The following FSAF1 variants were observed in gnomAD, a reference collection of about 807,000 sequenced individuals.
The protein encoded by FSAF1 is 40S small subunit processome assembly factor 1.
At chr1:231,231,917 G>A in the FSAF1 span, among the ~76,000 whole-genome samples, 1 of 152,268 alleles carries the variant, frequency 6.6e-6, no homozygotes, top group Non-Finnish European at 1.5e-5. Context: ...CACAGACACA[G>A]ATACCTCGGT....
chr1:231,228,245 G>T, the FSAF1 span, among the ~76,000 whole-genome samples: 5 of 152,028 alleles, frequency 3.3e-5, no homozygotes, highest in Middle Eastern at 3.2e-3. Flanking sequence ...ACTTACCATC[G>T]TATCAGTGGC....
chr1:231,239,900 C>G, the FSAF1 span, among the ~76,000 whole-genome samples: 3 of 152,330 alleles, frequency 2.0e-5, no homozygotes, highest in Admixed American at 2.0e-4. Context: ...GAGCTCCTAC[C>G]ATGATTTCCA....
the FSAF1 span, chr1:231,227,082 G>C: frequency 2.5e-6 from 4 of 1,613,516 alleles, no homozygotes; most frequent in Non-Finnish European, 3.4e-6. Context: ...CGGACACAAA[G>C]CATAATCAGA....
chr1:231,231,995 G>A, the FSAF1 span, among the ~76,000 whole-genome samples: 8 of 152,132 alleles, frequency 5.3e-5, no homozygotes, highest in African/African-American at 9.7e-5. Context: ...GGCTTTTTGA[G>A]AAAGGGTCTG....
chr1:231,225,511 C>A, the FSAF1 span: 2 of 1,613,412 alleles, frequency 1.2e-6, no homozygotes, highest in Admixed American at 1.7e-5. Context: ...TTGAAAATAT[C>A]TGTTTCTTGG....
At chr1:231,224,815 G>A in the FSAF1 span, 1 of 181,092 alleles carries the variant, frequency 5.5e-6, no homozygotes, top group Non-Finnish European at 1.2e-5. Flanking sequence ...ATGTTTTGGG[G>A]TGTTTCTCTC....
chr1:231,230,035 G>GA, the FSAF1 span, among the ~76,000 whole-genome samples: 1 of 152,098 alleles, frequency 6.6e-6, no homozygotes, highest in Non-Finnish European at 1.5e-5. Context: ...TAAAAAAATG[G>GA]AAAACAGAAA....
the FSAF1 span, among the ~76,000 whole-genome samples, chr1:231,234,491 T>A: frequency 2.1e-4 from 32 of 152,306 alleles, no homozygotes; most frequent in African/African-American, 4.1e-4. This position sits in a 1 kb window ranked among gnomAD's most constrained non-coding sequence, Gnocchi z 4.0. Context: ...TTTTTTGAGA[T>A]CACTAGTCCA....
At chr1:231,240,766 T>G in the FSAF1 span, among the ~76,000 whole-genome samples, 2 of 152,040 alleles carry the variant, frequency 1.3e-5, no homozygotes, top group Non-Finnish European at 2.9e-5. The surrounding 1 kb of genome is among the most constrained non-coding windows in gnomAD (Gnocchi z 4.1). Context: ...AAAGCCTTGG[T>G]GCTTCCTACA....
the FSAF1 span, chr1:231,226,780 T>C: frequency 6.2e-7 from 1 of 1,611,190 alleles, no homozygotes; most frequent in East Asian, 2.2e-5. Context: ...TTTTCTTTAA[T>C]TTGCTCCTGT....
the FSAF1 span, among the ~76,000 whole-genome samples, chr1:231,233,600 T>C: frequency 6.6e-6 from 1 of 152,320 alleles, no homozygotes; most frequent in East Asian, 1.9e-4. Flanking sequence ...TTGCCCAGGC[T>C]GGAGTGTAGT....
chr1:231,235,195 T>A, the FSAF1 span, among the ~76,000 whole-genome samples: 1 of 152,142 alleles, frequency 6.6e-6, no homozygotes, highest in Non-Finnish European at 1.5e-5. Flanking sequence ...ACTTGTATAG[T>A]CACTACATTA....
the FSAF1 span, chr1:231,239,028 T>C: frequency 5.6e-6 from 9 of 1,613,974 alleles, no homozygotes; most frequent in African/African-American, 2.7e-5. Context: ...CTTCTCTAAG[T>C]TCCTTGAAGA....
the FSAF1 span, among the ~76,000 whole-genome samples, chr1:231,230,645 C>T: frequency 1.3e-5 from 2 of 152,292 alleles, no homozygotes; most frequent in South Asian, 2.1e-4. Flanking sequence ...CTTCTCCAAA[C>T]GGGAGCTGTG....
At chr1:231,230,473 C>T in the FSAF1 span, among the ~76,000 whole-genome samples, 1 of 152,228 alleles carries the variant, frequency 6.6e-6, no homozygotes, top group African/African-American at 2.4e-5. Context: ...GCTGCAAATG[C>T]CCCCAAAATA....
At chr1:231,240,646 G>A in the FSAF1 span, among the ~76,000 whole-genome samples, 2 of 152,160 alleles carry the variant, frequency 1.3e-5, no homozygotes, top group African/African-American at 4.8e-5. The surrounding 1 kb of genome is among the most constrained non-coding windows in gnomAD (Gnocchi z 4.1). Flanking sequence ...AGGCCCCAGA[G>A]CGAAATGACA....
the FSAF1 span, among the ~76,000 whole-genome samples, chr1:231,233,101 G>A: frequency 6.6e-6 from 1 of 152,212 alleles, no homozygotes; most frequent in East Asian, 1.9e-4. Context: ...GGAGTACCAT[G>A]CAGTGGGCTA....
chr1:231,239,195 G>A, the FSAF1 span: 16 of 1,537,126 alleles, frequency 1.0e-5, no homozygotes, highest in Admixed American at 6.6e-5. Flanking sequence ...CCTCCTGTTT[G>A]TTCAAACACA....
the FSAF1 span, chr1:231,236,788 C>G: frequency 6.6e-6 from 1 of 152,158 alleles, no homozygotes; most frequent in African/African-American, 2.4e-5. Flanking sequence ...TATCATGACA[C>G]ATACAGAAAA....
Sources: gnomAD v4.1 joint callset for allele counts (sites outside exome capture counted in the v4.1 genomes callset) on GRCh38, gnomAD v4.1.1 for gene constraint, Gnocchi (gnomAD v3.1) non-coding constraint, MANE v1.5 for transcripts, NCBI Gene and HGNC (gene_info 2026-07-23, HGNC 2026-07-21) for gene names.